The following LAMP2 variants were observed in gnomAD, a reference collection of about 807,000 sequenced individuals.
LAMP2 encodes lysosome associated membrane protein 2.
LAMP2 carries 4 observed loss-of-function variants against 25.6 expected under a neutral mutation model. The ratio of observed to expected loss-of-function variants is 0.16; its 90% CI spans 0.08 to 0.36. The LOEUF is 0.36. Ranked by LOEUF, LAMP2 falls within the 10% of genes least tolerant of loss-of-function variation. The pLI, the probability that LAMP2 is intolerant of heterozygous loss-of-function variation, is 1.00. For synonymous variants in LAMP2, 108 were observed against 112.7 expected (o/e 0.96, Z 0.27); for missense variants, 272 against 301.4 (o/e 0.90, Z 0.72).
chrX:120,428,444 T>A lies in LAMP2; in HGVS notation c.*2879A>T. 8.7e-7 allele frequency: 1 copy of A among 1,148,467 alleles called. No individual in the cohort carries two copies. 94.6% of individuals were successfully genotyped at this position (1,148,467 alleles called of 1,213,427 possible). A position where few individuals can be genotyped will look rare whatever the true frequency, so the allele number is the denominator to read the frequency against. On this transcript the variant is annotated 3_prime_UTR_variant, in exon 9 of 9. Coordinates refer to ENST00000200639, the MANE Select transcript of LAMP2 (RefSeq NM_002294.3). ...GGCTTTTAGCCAATGGAAACGTAAC[T>A]TCTAATTGAAAAAAACAAACAAACA...
intron 8 of LAMP2, chrX:120,438,892 G>A (rs1431850151): frequency 3.3e-6 from 3 of 919,199 alleles, no homozygotes; most frequent in Admixed American, 5.3e-5. Context: ...ACTAATTCAA[G>A]ACAGTAAAAT....
At chrX:120,444,053 GAAAA>G (rs2058586053) in intron 6 of LAMP2, among the ~76,000 whole-genome samples, 1 of 110,973 alleles carries the variant, frequency 9.0e-6, no homozygotes, top group Admixed American at 9.6e-5. Flanking sequence ...AAAGAAAAAA[GAAAA>G]GAAAGAAAGA....
chrX:120,463,699 T>A lies in LAMP2; in HGVS notation c.64+5407A>T, dbSNP rs753173757. Reference sequence around the variant, plus strand: ...AAGAAAGCTGTTCTTTTGGGACATATTTGAGTATCTATAACCCTATCAGAT... The same window carrying A: ...AAGAAAGCTGTTCTTTTGGGACATAATTGAGTATCTATAACCCTATCAGAT... On this transcript the variant is annotated intron_variant, in intron 1 of 8. Transcript: ENST00000200639. Among the ~76,000 whole-genome samples the A allele has an allele frequency of 2.7e-5, 3 of 111,853 alleles. No individual in the cohort carries two copies. The South Asian group carries it at 1.1e-3, about 42-fold the overall frequency.
intron 1 of LAMP2, among the ~76,000 whole-genome samples, chrX:120,458,402 G>A (rs547315712): frequency 3.6e-5 from 4 of 112,050 alleles, no homozygotes; most frequent in African/African-American, 1.3e-4. Context: ...GTGTCTTAGG[G>A]TGTGAGAACT....
Position 120,441,817 on chromosome X carries a change from T to A in LAMP2, c.1006A>T (p.Thr336Ser), listed in dbSNP as rs1343337245. The change falls in exon 8 of 9, where the codon ACT becomes TCT. Residue 336 changes from threonine to serine, a missense_variant. Transcript: ENST00000200639. ...TGAAATGCTCCAGACACTGAAACAG[T>A]CTGCTCTTTGTTGCACATATAAGAA... Reference protein sequence around the residue: ...GSSYMCNKEQTVSVSGAFQIN... With the variant: ...GSSYMCNKEQSVSVSGAFQIN... 3.3e-6 allele frequency: 4 copies of A among 1,205,619 alleles called. No homozygotes were observed. The African/African-American group carries it at 7.0e-5, about 21-fold the overall frequency.
chrX:120,448,056 C>T lies in LAMP2; in HGVS notation c.557-31G>A, dbSNP rs752700693. On this transcript the variant is annotated intron_variant, in intron 4 of 8. Coordinates refer to ENST00000200639, the MANE Select transcript of LAMP2 (RefSeq NM_002294.3). ...ACAAGCGAAAAGGGACAAAAGAAAC[C>T]AAAGCGGACATTTTCTTAATTCATA... The T allele has an allele frequency of 3.4e-6, 4 of 1,184,023 alleles. No individual in the cohort carries two copies. The South Asian group carries it at 7.1e-5, about 21-fold the overall frequency.
rs771160122 is a variant in LAMP2, at chrX:120,452,550, CT to C, written c.397+2806del. ...TTAAATCAGCCAGTCTTTTCTTTTT[CT>C]TTTCTTTTTTTTTTGAGACAGGGTC... On this transcript the variant is annotated intron_variant, in intron 3 of 8. Coordinates refer to ENST00000200639, the MANE Select transcript of LAMP2 (RefSeq NM_002294.3). Among the ~76,000 whole-genome samples, 92 of 102,475 alleles carry C rather than the reference CT, an allele frequency of 9.0e-4. No homozygotes were observed. In the South Asian group the frequency reaches 0.033, roughly 37 times the overall value. 89.0% of individuals were successfully genotyped at this position (102,475 alleles called of 115,157 possible).
intron 1 of LAMP2, among the ~76,000 whole-genome samples, chrX:120,457,104 C>G (rs546031851): frequency 1.8e-5 from 2 of 111,253 alleles, no homozygotes; most frequent in African/African-American, 6.5e-5. Context: ...CTTTTGCCTT[C>G]AAATAATCAT....
intron 2 of LAMP2, among the ~76,000 whole-genome samples, chrX:120,456,244 G>A (rs193198486): frequency 1.5e-4 from 16 of 109,414 alleles, no homozygotes; most frequent in Non-Finnish European, 3.0e-4. Context: ...CATGTTGCCC[G>A]GGCTGGGTTC....
chrX:120,428,609 C>T lies in LAMP2; in HGVS notation c.*2714G>A. Reference sequence around the variant, plus strand: ...GGAATAAGAAAGTTGAGGTCAGAGTCAGCAGAACATTCTTCAGCTGTTAGA... The same window carrying T: ...GGAATAAGAAAGTTGAGGTCAGAGTTAGCAGAACATTCTTCAGCTGTTAGA... On this transcript the variant is annotated 3_prime_UTR_variant, in exon 9 of 9. Coordinates refer to ENST00000200639, the MANE Select transcript of LAMP2 (RefSeq NM_002294.3). 2 of 1,190,464 alleles carry T rather than the reference C, an allele frequency of 1.7e-6. No individual in the cohort carries two copies. The highest frequency in any genetic ancestry group is 2.3e-6 in the Non-Finnish European group (2 of 886,136).
Position 120,429,158 on chromosome X carries a change from G to T in LAMP2, c.*2165C>A. ...TGTGTGTATATATATGTGTGTGTGT[G>T]TACATATATATATATATACACACAC... is the stretch of plus-strand genomic sequence containing the variant. On this transcript the variant is annotated 3_prime_UTR_variant, in exon 9 of 9. Transcript: ENST00000200639. 4 of 709,624 alleles carry T rather than the reference G, an allele frequency of 5.6e-6. No homozygotes were observed. Among genetic ancestry groups the T allele is most frequent in the Non-Finnish European group, 6.6e-6 (4 of 606,879 alleles). The allele number at this position is 709,624 out of a possible 1,213,427, so 58.5% of individuals were successfully genotyped here.
At chrX:120,434,437 A>T (rs894012050) in intron 8 of LAMP2, among the ~76,000 whole-genome samples, 2 of 111,852 alleles carry the variant, frequency 1.8e-5, no homozygotes, top group Admixed American at 9.5e-5. Flanking sequence ...TGATTGTATG[A>T]ATTCAACCTT....
intron 1 of LAMP2, among the ~76,000 whole-genome samples, chrX:120,461,713 C>G (rs1447188175): frequency 9.0e-6 from 1 of 111,676 alleles, no homozygotes; most frequent in Non-Finnish European, 1.9e-5. Flanking sequence ...CCTATCATTC[C>G]AAGTAGTGCT....
At position 120,456,734 on chromosome X, in the gene LAMP2, T is replaced by C. The variant is rs778191463; in HGVS notation, c.100A>G (p.Thr34Ala). 1.7e-6 allele frequency: 2 copies of C among 1,183,554 alleles called. No homozygotes were observed. Among genetic ancestry groups the C allele is most frequent in the South Asian group, 1.8e-5 (1 of 54,345 alleles). ...VRSYALELNL[T>A]DSENATCLYA... The stretch of plus-strand genomic sequence containing the variant: ...AGGCAAGTGGCATTTTCTGAATCTG[T>C]CAAATTAAGTTCCAATGCATAAGAC... The change falls in exon 2 of 9, where the codon ACA becomes GCA. Residue 34 changes from threonine (T) to alanine (A), a missense_variant. Transcript: ENST00000200639.
At chrX:120,453,718 G>A (rs747905901) in intron 3 of LAMP2, among the ~76,000 whole-genome samples, 8 of 112,051 alleles carry the variant, frequency 7.1e-5, no homozygotes, top group Non-Finnish European at 1.5e-4. Context: ...TGAGGCAGGA[G>A]AATTGCTTGA....
intron 1 of LAMP2, among the ~76,000 whole-genome samples, chrX:120,458,042 C>G (rs973624282): frequency 3.6e-5 from 4 of 111,828 alleles, no homozygotes; most frequent in Non-Finnish European, 5.6e-5. Flanking sequence ...TTGGCTAAGG[C>G]TCAAAAAGAC....
In LAMP2 at chrX:120,426,183, C is replaced by A; in HGVS notation, c.*5140G>T. ...TGTATGATCTTTATTAATTTTTAAT[C>A]CATCAATCTAAAATCACACATACTA... On this transcript the variant is annotated 3_prime_UTR_variant, in exon 9 of 9. Transcript: ENST00000200639. Among the ~76,000 whole-genome samples the A allele has an allele frequency of 1.0e-5, 1 of 99,125 alleles. No homozygotes were observed. The highest frequency in any genetic ancestry group is 3.1e-4 in the East Asian group (1 of 3,234). The allele number at this position is 99,125 out of a possible 115,157, so 86.1% of individuals were successfully genotyped here.
chrX:120,461,905 A>G (rs1048469330), intron 1 of LAMP2, among the ~76,000 whole-genome samples: 1 of 111,919 alleles, frequency 8.9e-6, no homozygotes, highest in Non-Finnish European at 1.9e-5. Context: ...TTTCACTTCA[A>G]TAAATTTTGA....
At chrX:120,445,412 G>A (rs1255437712) in intron 6 of LAMP2, among the ~76,000 whole-genome samples, 1 of 112,526 alleles carries the variant, frequency 8.9e-6, no homozygotes, top group Non-Finnish European at 1.9e-5. Context: ...GATCACATAT[G>A]AAATAACAAC....
Sources: allele counts gnomAD v4.1 joint callset (sites outside exome capture counted in the v4.1 genomes callset), GRCh38; gene constraint gnomAD v4.1.1; transcripts MANE v1.5; gene names NCBI Gene and HGNC (gene_info 2026-07-23, HGNC 2026-07-21).